The following SLC2A5 variants were observed in gnomAD, a reference collection of about 807,000 sequenced individuals.
SLC2A5 encodes the protein solute carrier family 2 member 5.
SLC2A5 carries 56 observed loss-of-function variants against 50.3 expected under a neutral mutation model. That is an observed-to-expected ratio of 1.11 (90% CI 0.90 to 1.39). The LOEUF (loss-of-function observed/expected upper bound fraction) is 1.39. Among genes scored for constraint, SLC2A5 ranks in the 40% most tolerant of loss-of-function variants. The pLI, the probability that SLC2A5 is intolerant of heterozygous loss-of-function variation, is 0.00. For synonymous variants in SLC2A5, 269 were observed against 281.9 expected (o/e 0.95, Z 0.46); for missense variants, 566 against 650.1 (o/e 0.87, Z 1.41).
At chr1:9,048,328 G>A (rs1641486235) in intron 3 of SLC2A5, among the ~76,000 whole-genome samples, 1 of 152,052 alleles carries the variant, frequency 6.6e-6, no homozygotes, top group Admixed American at 6.5e-5. Flanking sequence ...GGCCAACATG[G>A]TAAAACACTG....
In SLC2A5 at chr1:9,038,523, G is replaced by A. The variant is rs13306764; in HGVS notation, c.1099-17C>T. The A allele has an allele frequency of 8.1e-5, 130 of 1,606,478 alleles. No individual in the cohort carries two copies. In the East Asian group the frequency reaches 2.9e-3, roughly 36 times the overall value. On this transcript the variant is annotated splice_polypyrimidine_tract_variant and intron_variant, in intron 9 of 11. Coordinates refer to ENST00000377424, the MANE Select transcript of SLC2A5 (RefSeq NM_003039.3). ...CACTGTGTCCTGTGGAGAGAAAGCA[G>A]TTGGTTCACCTGGAGCAGACAAGCT...
At chr1:9,081,562 T>C (rs938092586) in intron 2 of SLC2A5, among the ~76,000 whole-genome samples, 1 of 149,440 alleles carries the variant, frequency 6.7e-6, no homozygotes, top group Non-Finnish European at 1.5e-5. Context: ...ATCCAGAATA[T>C]ATAAAGAACT....
intron 8 of SLC2A5, 31 bp from the exon 9 acceptor site, chr1:9,038,960 G>A (rs1641217004): frequency 1.2e-6 from 2 of 1,601,084 alleles, no homozygotes; most frequent in Middle Eastern, 1.7e-4. Flanking sequence ...TCAGGCGGGA[G>A]AGGCCCAGCT....
At chr1:9,087,451 G>A (rs750499653) in intron 1 of SLC2A5, among the ~76,000 whole-genome samples, 43 of 151,844 alleles carry the variant, frequency 2.8e-4, no homozygotes, top group Non-Finnish European at 4.4e-4. Context: ...TGATCTTCCC[G>A]CCTCAGCCTC....
intron 2 of SLC2A5, among the ~76,000 whole-genome samples, chr1:9,075,824 C>A: frequency 6.6e-6 from 1 of 152,104 alleles, no homozygotes; most frequent in East Asian, 1.9e-4. Context: ...CCATGCCCAG[C>A]TAATTTTTGT....
chr1:9,073,683 A>T (rs1201185208), upstream of SLC2A5, among the ~76,000 whole-genome samples: 1 of 152,274 alleles, frequency 6.6e-6, no homozygotes, highest in East Asian at 1.9e-4. Flanking sequence ...GACAGAAAAC[A>T]GGAAGATATT....
chr1:9,038,932 A>C lies in SLC2A5; in HGVS notation c.997-3T>G. ...CCCAGGAGCTCCACCACGAACACCT[A>C]CAGGAGGGTGGCAGGGCTCAGGCGG... On this transcript the variant is annotated splice_polypyrimidine_tract_variant and splice_region_variant and intron_variant, in intron 8 of 11. Transcript: ENST00000377424. 6.2e-7 allele frequency: 1 copy of C among 1,611,868 alleles called. No homozygotes were observed. Among genetic ancestry groups the C allele is most frequent in the Non-Finnish European group, 8.5e-7 (1 of 1,179,546 alleles).
At chr1:9,065,605 C>T (rs547699716) in intron 1 of SLC2A5, among the ~76,000 whole-genome samples, 46 of 152,316 alleles carry the variant, frequency 3.0e-4, no homozygotes, top group Middle Eastern at 3.4e-3. Flanking sequence ...GTTTGGAGCA[C>T]AGTTTCTGGA....
At chr1:9,080,695 G>A (rs2124477918) in intron 2 of SLC2A5, among the ~76,000 whole-genome samples, 1 of 152,320 alleles carries the variant, frequency 6.6e-6, no homozygotes, top group East Asian at 1.9e-4. Flanking sequence ...CAGAAAATGA[G>A]ACCAGGCAGG....
At position 9,039,646 on chromosome 1, in the gene SLC2A5, T is replaced by G; in HGVS notation, c.902A>C (p.Asp301Ala). ...SGVNAIYYYA[D>A]QIYLSAGVPE... ...CACGCCGGCGCTCAGGTAGATCTGG[T>G]CCGCGTAGTAGTAGATCTGCAAGGC... Residue 301 changes from aspartate to alanine, a missense_variant, in exon 8 of 12, where the codon GAC (aspartate) becomes GCC (alanine). Physicochemically the swap from Asp to Ala is moderately radical, Grantham distance 126 (BLOSUM62 -2). Coordinates refer to ENST00000377424, the MANE Select transcript of SLC2A5 (RefSeq NM_003039.3). The G allele has an allele frequency of 6.4e-7, 1 of 1,554,552 alleles. No individual in the cohort carries two copies. The highest frequency in any genetic ancestry group is 8.7e-7 in the Non-Finnish European group (1 of 1,150,102).
chr1:9,086,671 G>A (rs767498390), intron 1 of SLC2A5, among the ~76,000 whole-genome samples: 2 of 152,122 alleles, frequency 1.3e-5, no homozygotes, highest in Admixed American at 6.5e-5. Context: ...GATTACAGGC[G>A]TCAGCCACTG....
intron 1 of SLC2A5, among the ~76,000 whole-genome samples, chr1:9,086,802 A>G (rs1247590423): frequency 6.6e-6 from 1 of 152,148 alleles, no homozygotes; most frequent in Non-Finnish European, 1.5e-5. Context: ...CTGGTGCTTG[A>G]CAGAGCAGGA....
chr1:9,039,025 C>A, intron 8 of SLC2A5, 96 bp from the exon 9 acceptor site: 1 of 1,411,408 alleles, frequency 7.1e-7, no homozygotes, highest in Non-Finnish European at 9.6e-7. Context: ...CTGGGCGGAC[C>A]GGGTGCCCAC....
At chr1:9,081,295 A>AAC (rs1423243155) in intron 2 of SLC2A5, among the ~76,000 whole-genome samples, 4 of 149,426 alleles carry the variant, frequency 2.7e-5, no homozygotes, top group South Asian at 4.2e-4. Context: ...AAAAAAAAAA[A>AAC]CACGACCAAA....
chr1:9,053,237 TTATATATTATATTTA>T (rs1449326594), intron 3 of SLC2A5, among the ~76,000 whole-genome samples: 11 of 70,176 alleles, frequency 1.6e-4, no homozygotes, highest in Non-Finnish European at 2.4e-4. Flanking sequence ...TATTATATAT[TTATATATTATATTTA>T]TATATTATAT....
At chr1:9,090,655 C>T (rs2124492981), upstream of SLC2A5, among the ~76,000 whole-genome samples, 3 of 152,320 alleles carry the variant, frequency 2.0e-5, no homozygotes, top group South Asian at 2.1e-4. Flanking sequence ...CTTAAAGATG[C>T]CTTTTTTACT....
chr1:9,064,342 C>T (rs1475531805), intron 1 of SLC2A5, among the ~76,000 whole-genome samples: 1 of 151,926 alleles, frequency 6.6e-6, no homozygotes, highest in African/African-American at 2.4e-5. Context: ...ATGTGCGGGT[C>T]TCTGGCCAGC....
chr1:9,067,655 G>A (rs1642116711), intron 1 of SLC2A5, among the ~76,000 whole-genome samples: 1 of 152,146 alleles, frequency 6.6e-6, no homozygotes, highest in African/African-American at 2.4e-5. Context: ...CCAAGCGAAG[G>A]GGCTGAGTAG....
At chr1:9,076,156 A>C (rs1162333166) in intron 2 of SLC2A5, among the ~76,000 whole-genome samples, 1 of 151,642 alleles carries the variant, frequency 6.6e-6, no homozygotes, top group Non-Finnish European at 1.5e-5. Flanking sequence ...GGGTTTCGCC[A>C]TGTTGGCCAG....
Sources: allele counts gnomAD v4.1 joint callset (sites outside exome capture counted in the v4.1 genomes callset), GRCh38; gene constraint gnomAD v4.1.1; transcripts MANE v1.5; gene names NCBI Gene and HGNC (gene_info 2026-07-23, HGNC 2026-07-21).